The following EQTN variants were observed in gnomAD, a reference collection of about 807,000 sequenced individuals.
EQTN encodes Acrosome formation associated factor.
In EQTN, 29 loss-of-function variants were observed where a neutral mutation model predicts 26.9. The observed-to-expected ratio is 1.08, with a 90% CI of 0.80 to 1.47. The LOEUF is 1.47. Ranked by LOEUF, EQTN falls within the 40% of genes most tolerant of loss-of-function variation. The pLI, the probability that EQTN is intolerant of heterozygous loss-of-function variation, is 0.00. For synonymous variants in EQTN, 129 were observed against 120.0 expected (o/e 1.07, Z -0.49); for missense variants, 391 against 346.1 (o/e 1.13, Z -1.03).
chr9:27,293,892 C>T (rs1450490501), intron 3 of EQTN, among the ~76,000 whole-genome samples: 2 of 152,094 alleles, frequency 1.3e-5, no homozygotes, highest in African/African-American at 2.4e-5. Flanking sequence ...TTGACATTGC[C>T]ATAGCTAGAA....
intron 6 of EQTN, 138 bp from the exon 7 acceptor site, chr9:27,286,500 C>A: frequency 2.5e-6 from 2 of 797,350 alleles, no homozygotes; most frequent in Non-Finnish European, 3.9e-6. Flanking sequence ...ATCCCGCAGG[C>A]AATGCAAAGG....
At chr9:27,294,985 C>T (rs977343832) in intron 2 of EQTN, among the ~76,000 whole-genome samples, 1 of 152,162 alleles carries the variant, frequency 6.6e-6, no homozygotes, top group Non-Finnish European at 1.5e-5. Context: ...GCAGACTGGA[C>T]ATGCACATGT....
At chr9:27,287,653 T>C (rs1820148436) in intron 6 of EQTN, among the ~76,000 whole-genome samples, 1 of 152,194 alleles carries the variant, frequency 6.6e-6, no homozygotes, top group Non-Finnish European at 1.5e-5. Context: ...ACGTAGTATG[T>C]GCTCAATAAA....
intron 5 of EQTN, among the ~76,000 whole-genome samples, 157 bp from the exon 6 acceptor site, chr9:27,289,888 A>G (rs1206515159): frequency 6.6e-6 from 1 of 152,240 alleles, no homozygotes; most frequent in Non-Finnish European, 1.5e-5. Context: ...TAAACACTGT[A>G]TTAACGAATA....
rs776029656 is a variant in EQTN, at chr9:27,291,050, G to A, written c.390C>T (p.Asn130=). 1.2e-5 allele frequency: 20 copies of A among 1,611,546 alleles called. No homozygotes were observed. The highest frequency in any genetic ancestry group is 8.4e-5 in the Admixed American group (5 of 59,506). Residue 130 remains asparagine, a synonymous_variant, in exon 5 of 8, where the codon AAC becomes AAT. Transcript: ENST00000380032. ...CTAACATTGTCCAAAATGCAGGCACGTTTGGGGTTGATCCTGTTAAAACAA... is the reference window on the plus strand; with the variant it reads ...CTAACATTGTCCAAAATGCAGGCACATTTGGGGTTGATCCTGTTAAAACAA... The part of the protein sequence containing the change: ...SHKNIQRSTP[N]VPAFWTMLAK...
At chr9:27,290,918 C>T in intron 5 of EQTN, 101 bp downstream of exon 5, 1 of 923,000 alleles carries the variant, frequency 1.1e-6, no homozygotes, top group Non-Finnish European at 1.6e-6. Flanking sequence ...AAAATGTTGA[C>T]TTATTGTCTC....
At position 27,292,422 on chromosome 9, in the gene EQTN, G is replaced by T; in HGVS notation, c.355C>A (p.Pro119Thr). 4 of 1,605,352 alleles carry T rather than the reference G, an allele frequency of 2.5e-6. No homozygotes were observed. The highest frequency in any genetic ancestry group is 3.4e-6 in the Non-Finnish European group (4 of 1,174,356). ...TIEEETTTSE[P>T]SHKNIQRSTP... ...ATACTTTGAATATTTTTATGAGAGG[G>T]TTCGCTAGTAGTTGTTTCTTCTTCA... Residue 119 changes from proline (P) to threonine (T), a missense_variant, in exon 4 of 8, where the codon CCC becomes ACC. Physicochemically the swap from Pro to Thr is conservative, Grantham distance 38. Transcript: ENST00000380032.
At chr9:27,286,057 G>A (rs1166560132) in intron 7 of EQTN, 152 bp downstream of exon 7, 13 of 741,930 alleles carry the variant, frequency 1.8e-5, no homozygotes, top group Middle Eastern at 2.9e-4. Flanking sequence ...AGACAGTCCC[G>A]TGCTCCATCC....
At chr9:27,286,004 T>G (rs1218507464) in intron 7 of EQTN, among the ~76,000 whole-genome samples, 1 of 152,264 alleles carries the variant, frequency 6.6e-6, no homozygotes, top group Non-Finnish European at 1.5e-5. Flanking sequence ...TTTCTATCTC[T>G]GGATGACTAC....
chr9:27,296,705 A>G lies in EQTN; in HGVS notation c.110T>C (p.Val37Ala). Residue 37 changes from valine (V) to alanine (A), a missense_variant, in exon 2 of 8, where the codon GTT becomes GCT. Transcript: ENST00000380032. Reference protein sequence around the residue: ...LPNVLPLNEDVNKQEEKNEDH... With the variant: ...LPNVLPLNEDANKQEEKNEDH... ...TTCATTCTTTTCTTCCTGCTTATTA[A>G]CATCTTCATTTAAAGGTAGCACATT... The G allele has an allele frequency of 6.2e-7, 1 of 1,610,344 alleles. No homozygotes were observed. Among genetic ancestry groups the G allele is most frequent in the Non-Finnish European group, 8.5e-7 (1 of 1,178,504 alleles).
At chr9:27,285,011 A>G (rs1820088942) in intron 7 of EQTN, 39 bp from the exon 8 acceptor site, 2 of 1,559,798 alleles carry the variant, frequency 1.3e-6, no homozygotes, top group Non-Finnish European at 1.7e-6. Flanking sequence ...ATTGTTTTTA[A>G]TTGTGTACAT....
intron 7 of EQTN, among the ~76,000 whole-genome samples, chr9:27,285,532 CAGT>C (rs1390320744): frequency 1.3e-5 from 2 of 152,116 alleles, no homozygotes; most frequent in Admixed American, 6.5e-5. Flanking sequence ...TTTACTAAAA[CAGT>C]AGAAGTTGCC....
chr9:27,293,974 T>A lies in EQTN; in HGVS notation c.289+342A>T, dbSNP rs532957465. 5.3e-5 allele frequency among the ~76,000 whole-genome samples: 8 copies of A among 152,328 alleles called. No homozygotes were observed. In the East Asian group the frequency reaches 1.3e-3, roughly 26 times the overall value. On this transcript the variant is annotated intron_variant, in intron 3 of 7. Coordinates refer to ENST00000380032, the MANE Select transcript of EQTN (RefSeq NM_020641.3). ...CAAAAAAACGTGGGTTTAAGAAAGATGTAAATTTTCCTAGAATCCTAAATG... is the reference window on the plus strand; with the variant it reads ...CAAAAAAACGTGGGTTTAAGAAAGAAGTAAATTTTCCTAGAATCCTAAATG...
intron 2 of EQTN, among the ~76,000 whole-genome samples, 175 bp downstream of exon 2, chr9:27,296,438 T>A (rs1425636393): frequency 3.9e-5 from 6 of 151,930 alleles, no homozygotes; most frequent in Admixed American, 6.6e-5. Flanking sequence ...TAAAAAGAAA[T>A]GAAAATACAA....
intron 1 of EQTN, 76 bp downstream of exon 1, chr9:27,296,904 C>T (rs1820356550): frequency 4.4e-6 from 7 of 1,573,278 alleles, no homozygotes; most frequent in African/African-American, 1.4e-5. Context: ...AGAAAACTGC[C>T]ACATACCAAT....
At chr9:27,293,114 A>G (rs1187873200) in intron 3 of EQTN, among the ~76,000 whole-genome samples, 1 of 152,136 alleles carries the variant, frequency 6.6e-6, no homozygotes, top group Non-Finnish European at 1.5e-5. Flanking sequence ...AGGAGTCAAT[A>G]AAGTTCCATA....
intron 3 of EQTN, 95 bp downstream of exon 3, chr9:27,294,221 C>A: frequency 1.3e-6 from 1 of 777,084 alleles, no homozygotes; most frequent in Non-Finnish European, 2.1e-6. Flanking sequence ...TATTTAGGAA[C>A]GAAGACTTCT....
Position 27,286,230 on chromosome 9 carries a change from A to G in EQTN, c.614T>C (p.Leu205Pro), listed in dbSNP as rs778861624. ...VVLLAFCSAT[L>P]YKLRHLSYKS... ...TTACCTCAGATGCCTCAGTTTGTAC[A>G]GTGTAGCACTACAGAATGCCAAGAG... Residue 205 changes from leucine to proline, a missense_variant, in exon 7 of 8, where the codon CTG (leucine) becomes CCG (proline). Physicochemically the swap from Leu to Pro is moderately conservative, Grantham distance 98 (BLOSUM62 -3). Coordinates refer to ENST00000380032, the MANE Select transcript of EQTN (RefSeq NM_020641.3). The G allele has an allele frequency of 1.2e-6, 2 of 1,613,892 alleles. No individual in the cohort carries two copies. Among genetic ancestry groups the G allele is most frequent in the African/African-American group, 2.7e-5 (2 of 74,934 alleles).
Position 27,284,735 on chromosome 9 carries a change from C to A in EQTN, c.873G>T (p.Ser291=). 1 of 1,613,000 alleles carries A rather than the reference C, an allele frequency of 6.2e-7. No homozygotes were observed. The highest frequency in any genetic ancestry group is 8.5e-7 in the Non-Finnish European group (1 of 1,179,524). Residue 291 remains serine, a synonymous_variant, in exon 8 of 8, where the codon TCG becomes TCT. Coordinates refer to ENST00000380032, the MANE Select transcript of EQTN (RefSeq NM_020641.3). ...SDNEMHENDE[S]VTR ...TTCCTTGATTTCTTCACCGGGTAAC[C>A]GACTCATCGTTTTCATGCATCTCAT...
Sources: gnomAD v4.1 joint callset for allele counts (sites outside exome capture counted in the v4.1 genomes callset) on GRCh38, gnomAD v4.1.1 for gene constraint, MANE v1.5 for transcripts, NCBI Gene and HGNC (gene_info 2026-07-23, HGNC 2026-07-21) for gene names.